PCDH9: variants seen among roughly 807,000 people sequenced by gnomAD.
The protein encoded by PCDH9 is protocadherin-9.
Under a neutral mutation model 70.6 loss-of-function variants are expected in PCDH9, and 24 were observed. The ratio of observed to expected loss-of-function variants is 0.34; its 90% CI spans 0.25 to 0.48. The LOEUF (loss-of-function observed/expected upper bound fraction) is 0.48. Among genes scored for constraint, PCDH9 ranks in the 20% least tolerant of loss-of-function variants. PCDH9 has a pLI of 0.99. For synonymous variants in PCDH9, 562 were observed against 558.5 expected, an observed-to-expected ratio of 1.01 and a Z score of -0.09; for missense variants, 1,281 against 1,503.6, an observed-to-expected ratio of 0.85 and a Z score of 2.45.
chr13:66,425,862 G>GT (rs1265582438), intron 4 of PCDH9, among the ~76,000 whole-genome samples: 1 of 151,670 alleles, frequency 6.6e-6, no homozygotes, highest in East Asian at 1.9e-4. Context: ...GAAAAGTCTA[G>GT]TAAGTGTGCT....
In PCDH9 at chr13:66,600,194, T is replaced by C. The variant is rs191240975; in HGVS notation, c.3340+31016A>G. On this transcript the variant is annotated intron_variant, in intron 4 of 4. Transcript: ENST00000377865. ...TTAGACAAACAGACCAAGAACTAAC[T>C]ATTAAAAATACTGTGTAGGCTTCCA... 6.6e-5 allele frequency among the ~76,000 whole-genome samples: 10 copies of C among 152,032 alleles called. No individual in the cohort carries two copies. The East Asian group carries it at 1.6e-3, about 24-fold the overall frequency.
intron 2 of PCDH9, among the ~76,000 whole-genome samples, chr13:67,161,845 A>ATAT (rs1419722348): frequency 1.3e-5 from 2 of 152,224 alleles, no homozygotes; most frequent in African/African-American, 4.8e-5. Context: ...CCAACTACAG[A>ATAT]TATTATAATA....
intron 4 of PCDH9, among the ~76,000 whole-genome samples, chr13:66,571,182 C>T (rs1207954004): frequency 2.0e-5 from 3 of 151,998 alleles, no homozygotes; most frequent in African/African-American, 7.2e-5. Context: ...TTTATTGTTA[C>T]ATGGTAAGTT....
chr13:67,090,033 T>C (rs1449730170), intron 2 of PCDH9, among the ~76,000 whole-genome samples: 2 of 152,036 alleles, frequency 1.3e-5, no homozygotes, highest in Non-Finnish European at 2.9e-5. Flanking sequence ...TTGAGACTTG[T>C]CATTCAAAAT....
At chr13:66,497,325 C>A (rs1334010664) in intron 4 of PCDH9, among the ~76,000 whole-genome samples, 2 of 152,132 alleles carry the variant, frequency 1.3e-5, no homozygotes, top group African/African-American at 4.8e-5. Flanking sequence ...CTGCCCACCT[C>A]AGCCTCCCAA....
chr13:66,497,224 ACAC>A (rs1160283493), intron 4 of PCDH9, among the ~76,000 whole-genome samples: 2 of 149,934 alleles, frequency 1.3e-5, no homozygotes, highest in East Asian at 3.9e-4. Flanking sequence ...ATGTGTCACC[ACAC>A]CTGGCTATTT....
chr13:67,029,516 T>A (rs2084861686), intron 2 of PCDH9, among the ~76,000 whole-genome samples: 1 of 152,190 alleles, frequency 6.6e-6, no homozygotes, highest in African/African-American at 2.4e-5. Context: ...GTGGTTAATC[T>A]CTTCATTCAA....
rs143665847 is a variant in PCDH9 at position 66,499,045 on chromosome 13, T to A, written c.3340+132165A>T. 1.3e-3 allele frequency among the ~76,000 whole-genome samples: 201 copies of A among 152,108 alleles called. 1 individual carries two copies. Among genetic ancestry groups the A allele is most frequent in the African/African-American group, 4.6e-3 (192 of 41,482 alleles). On this transcript the variant is annotated intron_variant, in intron 4 of 4. Transcript: ENST00000377865. Reference sequence around the variant, plus strand: ...TCATCATTGTTTACTTATATTCTGATGGATATGTCAGACCTGAATGCCTAA... The same window carrying A: ...TCATCATTGTTTACTTATATTCTGAAGGATATGTCAGACCTGAATGCCTAA...
intron 2 of PCDH9, among the ~76,000 whole-genome samples, chr13:66,937,419 T>C (rs1243201333): frequency 6.6e-6 from 1 of 152,236 alleles, no homozygotes. Flanking sequence ...CTGCATCATA[T>C]GTATCACTAT....
chr13:66,617,810 C>T (rs113720832), intron 4 of PCDH9, among the ~76,000 whole-genome samples: 11 of 152,272 alleles, frequency 7.2e-5, no homozygotes, highest in Non-Finnish European at 1.6e-4. Flanking sequence ...TGATGATGGC[C>T]CCATCTGCCG....
intron 3 of PCDH9, among the ~76,000 whole-genome samples, chr13:66,660,172 C>T (rs1755334013): frequency 6.6e-6 from 1 of 152,176 alleles, no homozygotes; most frequent in African/African-American, 2.4e-5. Context: ...ATCTTCCAGC[C>T]TGGTGAAATG....
chr13:66,835,866 T>A (rs1324779279), intron 3 of PCDH9, among the ~76,000 whole-genome samples: 1 of 152,188 alleles, frequency 6.6e-6, no homozygotes, highest in African/African-American at 2.4e-5. Context: ...AAATGTTATT[T>A]ACCTCAATTA....
rs372565724 is a variant in PCDH9, at chr13:66,761,291, C to T, written c.3139-129880G>A. The stretch of plus-strand genomic sequence containing the variant: ...GTACTCTTTCTCTTTACTTCTCAGA[C>T]TGGCTGGCACTTAGGGAAAATAGAC... On this transcript the variant is annotated intron_variant, in intron 3 of 4. Transcript: ENST00000377865. Among the ~76,000 whole-genome samples the T allele has an allele frequency of 7.2e-5, 11 of 152,242 alleles. No homozygotes were observed. In the East Asian group the frequency reaches 1.9e-3, roughly 27 times the overall value.
chr13:66,498,252 C>A (rs746853667), intron 4 of PCDH9, among the ~76,000 whole-genome samples: 17 of 150,382 alleles, frequency 1.1e-4, no homozygotes, highest in Non-Finnish European at 2.4e-4. Context: ...TCACGCCATT[C>A]TCCTGCCTCA....
At chr13:67,170,976 G>T (rs1333118072) in intron 2 of PCDH9, among the ~76,000 whole-genome samples, 1 of 152,024 alleles carries the variant, frequency 6.6e-6, no homozygotes, top group African/African-American at 2.4e-5. Context: ...AAAGTTGCAT[G>T]AAATCATAAC....
chr13:66,519,490 G>A (rs1311491438), intron 4 of PCDH9, among the ~76,000 whole-genome samples: 2 of 151,744 alleles, frequency 1.3e-5, no homozygotes, highest in African/African-American at 4.8e-5. Context: ...TATGCCCTTG[G>A]GTAAACACTT....
intron 4 of PCDH9, among the ~76,000 whole-genome samples, chr13:66,401,118 T>C (rs1357366234): frequency 6.6e-6 from 1 of 152,210 alleles, no homozygotes; most frequent in Non-Finnish European, 1.5e-5. Flanking sequence ...GCTGGTTTAA[T>C]CTTAGCACTA....
At chr13:66,598,946 G>A (rs961018028) in intron 4 of PCDH9, among the ~76,000 whole-genome samples, 1 of 151,786 alleles carries the variant, frequency 6.6e-6, no homozygotes, top group African/African-American at 2.4e-5. Context: ...AATCAAAGTA[G>A]CATATAATTA....
At chr13:66,754,594 G>A (rs1014783294) in intron 3 of PCDH9, among the ~76,000 whole-genome samples, 9 of 152,040 alleles carry the variant, frequency 5.9e-5, no homozygotes, top group African/African-American at 2.2e-4. Flanking sequence ...AGACGCTATA[G>A]GAATTCTGAA....
Sources: gnomAD v4.1 joint callset for allele counts (sites outside exome capture counted in the v4.1 genomes callset) on GRCh38, gnomAD v4.1.1 for gene constraint, MANE v1.5 for transcripts, NCBI Gene and HGNC (gene_info 2026-07-23, HGNC 2026-07-21) for gene names.